MBNL1: variants seen among roughly 807,000 people sequenced by gnomAD.
MBNL1 encodes the protein muscleblind like splicing regulator 1.
Under a neutral mutation model 42.2 loss-of-function variants are expected in MBNL1, and 8 were observed. The observed-to-expected ratio is 0.19, with a 90% confidence interval of 0.11 to 0.34. The LOEUF is 0.34. Ranked by LOEUF, MBNL1 falls within the 10% of genes least tolerant of loss-of-function variation. MBNL1 has a pLI of 1.00. For missense variants in MBNL1, 309 were observed against 495.3 expected (o/e 0.62, Z 3.57); for synonymous variants, 169 against 173.9 (o/e 0.97, Z 0.22).
At chr3:152,364,678 C>G (rs570979321) in intron 2 of MBNL1, among the ~76,000 whole-genome samples, 1 of 151,920 alleles carries the variant, frequency 6.6e-6, no homozygotes, top group African/African-American at 2.4e-5. Context: ...CCCAGTTTTA[C>G]TAACATGTTG....
chr3:152,434,309 G>A (rs1168711282), intron 4 of MBNL1, among the ~76,000 whole-genome samples: 2 of 152,172 alleles, frequency 1.3e-5, no homozygotes, highest in East Asian at 1.9e-4. Flanking sequence ...TGGTTATGTG[G>A]TTTCCTGCTT....
chr3:152,447,512 G>T, intron 5 of MBNL1, 108 bp from the exon 6 acceptor site: 5 of 622,390 alleles, frequency 8.0e-6, no homozygotes, highest in Non-Finnish European at 1.0e-5. Context: ...TAAGTGCTCT[G>T]CTGCTTGCTT....
intron 3 of MBNL1, among the ~76,000 whole-genome samples, chr3:152,421,966 TAA>T (rs535802755): frequency 6.9e-6 from 1 of 145,914 alleles, no homozygotes. Flanking sequence ...TACCGACCAC[TAA>T]AAAAAAAAAT....
At chr3:152,280,810 G>A (rs765413194) in intron 1 of MBNL1, among the ~76,000 whole-genome samples, 17 of 152,072 alleles carry the variant, frequency 1.1e-4, no homozygotes, top group Non-Finnish European at 2.2e-4. Flanking sequence ...CAGCTGTGAC[G>A]TGTTGTTGTT....
At chr3:152,363,961 G>A (rs576467762) in intron 2 of MBNL1, among the ~76,000 whole-genome samples, 10 of 152,138 alleles carry the variant, frequency 6.6e-5, no homozygotes, top group Non-Finnish European at 1.5e-4. Flanking sequence ...AACAAATTAA[G>A]AATGAGATTG....
rs574864329 is a variant in MBNL1, at chr3:152,286,123, ATTAACT to A, written c.-789-13276_-789-13271del. Among the ~76,000 whole-genome samples the A allele has an allele frequency of 2.9e-3, 438 of 151,470 alleles. 1 individual carries two copies. Among genetic ancestry groups the A allele is most frequent in the South Asian group, 0.01 (50 of 4,822 alleles). Reference sequence around the variant, plus strand: ...GGATAAAAGTGGTTCTTTTTCCCCCATTAACTTTAACACAGAGGTTTTACTTTAATT... The same window carrying A: ...GGATAAAAGTGGTTCTTTTTCCCCCATTAACACAGAGGTTTTACTTTAATT... On this transcript the variant is annotated intron_variant, in intron 1 of 9. Transcript: ENST00000324210.
chr3:152,295,788 G>A (rs1344934686), intron 1 of MBNL1, among the ~76,000 whole-genome samples: 1 of 152,154 alleles, frequency 6.6e-6, no homozygotes, highest in African/African-American at 2.4e-5. Flanking sequence ...AACCAAACAG[G>A]GAGTTAGCAT....
intron 4 of MBNL1, 66 bp downstream of exon 4, chr3:152,432,986 G>A (rs1421295372): frequency 6.7e-7 from 1 of 1,484,778 alleles, no homozygotes; most frequent in Non-Finnish European, 9.2e-7. Flanking sequence ...TTTTTTGTTT[G>A]TTTGTGTGTT....
At chr3:152,400,825 G>A (rs373247784) in intron 2 of MBNL1, among the ~76,000 whole-genome samples, 22 of 152,256 alleles carry the variant, frequency 1.4e-4, no homozygotes, top group South Asian at 1.0e-3. Flanking sequence ...CTAACAGTCA[G>A]ATAACATTAG....
chr3:152,427,669 AC>A (rs2098950680), intron 3 of MBNL1, among the ~76,000 whole-genome samples: 1 of 152,060 alleles, frequency 6.6e-6, no homozygotes, highest in Non-Finnish European at 1.5e-5. Flanking sequence ...GGTTATGCCT[AC>A]CCAGAAACAT....
At chr3:152,334,953 A>G (rs916534328) in intron 2 of MBNL1, among the ~76,000 whole-genome samples, 3 of 152,192 alleles carry the variant, frequency 2.0e-5, no homozygotes, top group Non-Finnish European at 2.9e-5. Context: ...ACGTACGGGC[A>G]AACTCTCTGT....
chr3:152,356,939 C>T (rs2095566981), intron 2 of MBNL1, among the ~76,000 whole-genome samples: 1 of 151,372 alleles, frequency 6.6e-6, no homozygotes, highest in Admixed American at 6.6e-5. Context: ...TGTGGTGTTA[C>T]CATACTTATA....
chr3:152,427,609 A>G (rs887954096), intron 3 of MBNL1, among the ~76,000 whole-genome samples: 1 of 152,148 alleles, frequency 6.6e-6, no homozygotes, highest in Non-Finnish European at 1.5e-5. Context: ...AACTCCTGTT[A>G]GCTTTTGGCA....
intron 2 of MBNL1, among the ~76,000 whole-genome samples, chr3:152,353,359 G>T (rs1440217672): frequency 6.6e-6 from 1 of 152,206 alleles, no homozygotes; most frequent in Non-Finnish European, 1.5e-5. Context: ...TTTACGCTTA[G>T]TGTCTTTTGG....
chr3:152,332,001 C>G (rs2084981083), intron 2 of MBNL1, among the ~76,000 whole-genome samples: 1 of 152,158 alleles, frequency 6.6e-6, no homozygotes, highest in Admixed American at 6.6e-5. Flanking sequence ...CTTGATACCT[C>G]TTTAAAAATG....
intron 2 of MBNL1, chr3:152,340,155 G>GAAC (rs376753585): frequency 5.8e-6 from 1 of 171,806 alleles, no homozygotes; most frequent in Admixed American, 6.1e-5. Flanking sequence ...ATAAAGAAAC[G>GAAC]AACAACAACA....
intron 2 of MBNL1, among the ~76,000 whole-genome samples, chr3:152,250,091 T>A (rs1447006174): frequency 1.3e-5 from 2 of 152,146 alleles, no homozygotes; most frequent in African/African-American, 4.8e-5. Context: ...AGGATTTACT[T>A]GGCGATGCGG....
chr3:152,447,582 T>C, intron 5 of MBNL1, 38 bp from the exon 6 acceptor site: 10 of 1,558,856 alleles, frequency 6.4e-6, no homozygotes, highest in Non-Finnish European at 8.7e-6. Context: ...TTTTCTCTTT[T>C]TACTGGTATT....
Position 152,299,622 on chromosome 3 carries a change from T to TGATATCTGAAAAAGTTTGATATTTGAAAA in MBNL1, c.-571_-570insATATCTGAAAAAGTTTGATATTTGAAAAG. The TGATATCTGAAAAAGTTTGATATTTGAAAA allele has an allele frequency of 7.5e-6, 3 of 398,644 alleles. No individual in the cohort carries two copies. The highest frequency in any genetic ancestry group is 1.3e-5 in the Non-Finnish European group (3 of 225,982). The allele number at this position is 398,644 out of a possible 1,614,324, so 24.7% of individuals were successfully genotyped here. ...CTGCTTTAGTGTTAAAAGAAAAGTT[T>TGATATCTGAAAAAGTTTGATATTTGAAAA]GCTGAAAAAGTAAGATATCTTCTGC... On this transcript the variant is annotated 5_prime_UTR_variant, in exon 2 of 10. Coordinates refer to ENST00000324210, the MANE Select transcript of MBNL1 (RefSeq NM_021038.5).
Sources: gnomAD v4.1 joint callset for allele counts (sites outside exome capture counted in the v4.1 genomes callset) on GRCh38, gnomAD v4.1.1 for gene constraint, MANE v1.5 for transcripts, NCBI Gene and HGNC (gene_info 2026-07-23, HGNC 2026-07-21) for gene names.